Variants in MLANA observed in about 807,000 individuals in gnomAD.
MLANA encodes the protein melan-A, also known as melanoma antigen recognized by T-cells 1.
Under a neutral mutation model 15.7 loss-of-function variants are expected in MLANA, and 21 were observed. The ratio of observed to expected loss-of-function variants is 1.33; its 90% CI spans 0.95 to 1.92. MLANA has a LOEUF of 1.92. MLANA is among the 40% of genes most tolerant of loss of function. MLANA has a pLI of 0.00. For missense variants in MLANA, 164 were observed against 143.8 expected (o/e 1.14, Z -0.72); for synonymous variants, 56 against 51.5 (o/e 1.09, Z -0.37).
chr9:5,892,272 T>G (rs561663241), intron 1 of MLANA, among the ~76,000 whole-genome samples, 178 bp from the exon 2 acceptor site: 1 of 152,346 alleles, frequency 6.6e-6, no homozygotes, highest in African/African-American at 2.4e-5. Context: ...CCTGAGCTAT[T>G]GCTAAAGCCC....
At chr9:5,903,081 C>T (rs1832551198) in intron 3 of MLANA, among the ~76,000 whole-genome samples, 1 of 152,078 alleles carries the variant, frequency 6.6e-6, no homozygotes, top group African/African-American at 2.4e-5. Context: ...TCTCCTTTGA[C>T]TCATGTGTTA....
intron 3 of MLANA, chr9:5,899,121 G>A (rs867084533): frequency 3.9e-5 from 6 of 152,260 alleles, no homozygotes; most frequent in African/African-American, 7.2e-5. Flanking sequence ...CATAGATCTC[G>A]CTGTCTCTCT....
chr9:5,897,102 G>T (rs1832078453), intron 2 of MLANA, among the ~76,000 whole-genome samples: 1 of 152,212 alleles, frequency 6.6e-6, no homozygotes, highest in African/African-American at 2.4e-5. Context: ...GTTGATGTGA[G>T]AATTGAATAA....
intron 3 of MLANA, among the ~76,000 whole-genome samples, chr9:5,899,596 A>G (rs143312001): frequency 9.2e-5 from 14 of 152,306 alleles, no homozygotes; most frequent in African/African-American, 3.4e-4. Context: ...TAGGGATAGA[A>G]TTCCTGCTCA....
intron 3 of MLANA, among the ~76,000 whole-genome samples, chr9:5,901,288 T>C (rs1832406655): frequency 6.6e-6 from 1 of 152,214 alleles, no homozygotes; most frequent in Admixed American, 6.5e-5. Flanking sequence ...CAGGACATCC[T>C]TGCCTTGTTC....
chr9:5,895,960 C>T (rs1448423590), intron 2 of MLANA, among the ~76,000 whole-genome samples: 1 of 152,218 alleles, frequency 6.6e-6, no homozygotes, highest in East Asian at 1.9e-4. Flanking sequence ...AATGAGAGCA[C>T]AGGCATGTTG....
At chr9:5,897,129 C>T (rs1387099198) in intron 2 of MLANA, among the ~76,000 whole-genome samples, 2 of 152,214 alleles carry the variant, frequency 1.3e-5, no homozygotes, top group South Asian at 2.1e-4. Flanking sequence ...GAATGTTTAG[C>T]ACAGCACCTG....
chr9:5,893,751 T>G (rs1170231604), intron 2 of MLANA, among the ~76,000 whole-genome samples: 2 of 152,206 alleles, frequency 1.3e-5, no homozygotes, highest in Non-Finnish European at 2.9e-5. Flanking sequence ...GTTTTCTTCT[T>G]GCTGGTTACT....
intron 3 of MLANA, chr9:5,899,366 G>A (rs1186132700): frequency 6.6e-6 from 1 of 152,124 alleles, no homozygotes; most frequent in Non-Finnish European, 1.5e-5. Flanking sequence ...CAAGAAACTT[G>A]GGCAGTCTCA....
At chr9:5,898,103 T>G in intron 3 of MLANA, 1 of 166,904 alleles carries the variant, frequency 6.0e-6, no homozygotes, top group Non-Finnish European at 1.3e-5. Context: ...TGGAGCGCAG[T>G]GGTGAACATG....
At chr9:5,907,863 G>C (rs1413535077) in intron 4 of MLANA, among the ~76,000 whole-genome samples, 2 of 152,206 alleles carry the variant, frequency 1.3e-5, no homozygotes, top group Admixed American at 6.5e-5. Flanking sequence ...TGAGGCAGGA[G>C]AATCACTTGA....
At chr9:5,896,518 A>G (rs1832033594) in intron 2 of MLANA, among the ~76,000 whole-genome samples, 1 of 152,300 alleles carries the variant, frequency 6.6e-6, no homozygotes, top group Non-Finnish European at 1.5e-5. Context: ...GTACTGAGCA[A>G]AAGTCTCTCC....
In MLANA at chr9:5,894,573, G is replaced by T. The variant is rs562374737; in HGVS notation, c.77+2022G>T. Among the ~76,000 whole-genome samples the T allele has an allele frequency of 6.6e-6, 1 of 152,196 alleles. No individual in the cohort carries two copies. Among genetic ancestry groups the T allele is most frequent in the African/African-American group, 2.4e-5 (1 of 41,444 alleles). ...TCAAGAGCTTAGAAGTGAGGGGCAT[G>T]AATCAAATACTCAGGCCTCTGAGGT... On this transcript the variant is annotated intron_variant, in intron 2 of 4. Coordinates refer to ENST00000381477, the MANE Select transcript of MLANA (RefSeq NM_005511.2). This position sits in a 1 kb window ranked among gnomAD's most constrained non-coding sequence, Gnocchi z 4.0.
intron 3 of MLANA, among the ~76,000 whole-genome samples, chr9:5,905,309 G>A (rs1832727784): frequency 6.6e-6 from 1 of 152,178 alleles, no homozygotes; most frequent in Admixed American, 6.5e-5. Context: ...AAAACTGAGT[G>A]TTGGCCATGA....
At position 5,910,017 on chromosome 9, in the gene MLANA, C is replaced by G. The variant is rs1486285810; in HGVS notation, c.*1309C>G. 2 of 152,168 alleles carry G rather than the reference C, an allele frequency of 1.3e-5. No individual in the cohort carries two copies. Among genetic ancestry groups the G allele is most frequent in the African/African-American group, 4.8e-5 (2 of 41,504 alleles). The allele number at this position is 152,168 out of a possible 1,614,324, so 9.4% of individuals were successfully genotyped here. A position where few individuals can be genotyped will look rare whatever the true frequency, so the allele number is the denominator to read the frequency against. ...CCATAGTAGAGGATAACTATAACAA[C>G]GAAGATAATGAAAGTAATTTTTTTA... On this transcript the variant is annotated 3_prime_UTR_variant, in exon 5 of 5. Transcript: ENST00000381477.
Position 5,903,642 on chromosome 9 carries a change from G to A in MLANA, c.175-3243G>A, listed in dbSNP as rs370280270. On this transcript the variant is annotated intron_variant, in intron 3 of 4. Coordinates refer to ENST00000381477, the MANE Select transcript of MLANA (RefSeq NM_005511.2). ...GTGGATGCAACTATTTTTCCTTGCA[G>A]TTCTATCAGTTTTTATCTCATGTAT... 1.1e-4 allele frequency among the ~76,000 whole-genome samples: 17 copies of A among 152,186 alleles called. 1 individual carries two copies. The East Asian group carries it at 1.7e-3, about 16-fold the overall frequency.
At chr9:5,901,870 T>G (rs1490946543) in intron 3 of MLANA, among the ~76,000 whole-genome samples, 6 of 152,198 alleles carry the variant, frequency 3.9e-5, no homozygotes, top group Non-Finnish European at 7.3e-5. Context: ...TAAATCCTAT[T>G]TTGTCATGGT....
chr9:5,905,274 C>A (rs754253568), intron 3 of MLANA, among the ~76,000 whole-genome samples: 4 of 152,152 alleles, frequency 2.6e-5, no homozygotes, highest in Non-Finnish European at 5.9e-5. Flanking sequence ...CCCCTCTTCA[C>A]CAAGGGGACC....
intron 3 of MLANA, among the ~76,000 whole-genome samples, chr9:5,905,185 A>G (rs1413720316): frequency 6.6e-6 from 1 of 152,210 alleles, no homozygotes; most frequent in Non-Finnish European, 1.5e-5. Context: ...AGGCATTATG[A>G]GTATCTTAAA....
Sources: allele counts gnomAD v4.1 joint callset (sites outside exome capture counted in the v4.1 genomes callset), GRCh38; gene constraint gnomAD v4.1.1; non-coding constraint Gnocchi (gnomAD v3.1); transcripts MANE v1.5; gene names NCBI Gene and HGNC (gene_info 2026-07-23, HGNC 2026-07-21).